Variants in TXLNB observed in about 807,000 individuals in gnomAD.
TXLNB encodes the protein taxilin beta, also known as beta-taxilin.
TXLNB carries 37 observed loss-of-function variants against 57.4 expected under a neutral mutation model. That is an observed-to-expected ratio of 0.64 (90% confidence interval 0.50 to 0.85). The LOEUF (loss-of-function observed/expected upper bound fraction) is 0.85, where lower values mean the gene tolerates loss of function less well. Ranked by LOEUF, TXLNB falls within the 40% of genes least tolerant of loss-of-function variation. The pLI is 0.00. For synonymous variants in TXLNB, 302 were observed against 309.6 expected (o/e 0.98, Z 0.26); for missense variants, 848 against 825.6 (o/e 1.03, Z -0.33).
intron 2 of TXLNB, among the ~76,000 whole-genome samples, chr6:139,277,503 C>G (rs1299778026): frequency 6.6e-6 from 1 of 152,124 alleles, no homozygotes; most frequent in Non-Finnish European, 1.5e-5. Context: ...AAACCCATTC[C>G]CTGGCGTTGG....
At chr6:139,307,270 C>A in the TXLNB span, among the ~76,000 whole-genome samples, 2 of 152,200 alleles carry the variant, frequency 1.3e-5, no homozygotes, top group African/African-American at 2.4e-5. Context: ...TAGTTCACTG[C>A]AGCTTTGAAC....
rs555178507 is a variant in TXLNB at position 139,258,072 on chromosome 6, C to A, written c.1002+2246G>T. On this transcript the variant is annotated intron_variant, in intron 6 of 9. Transcript: ENST00000358430. The stretch of plus-strand genomic sequence containing the variant: ...ATGCAGCTTTGTTGTGATTGGTGAC[C>A]CCCAACCTCGAGGGAGGCTGGTGGC... Among the ~76,000 whole-genome samples, 7 of 151,766 alleles carry A rather than the reference C, an allele frequency of 4.6e-5. No individual in the cohort carries two copies. In the South Asian group the frequency reaches 1.5e-3, roughly 31 times the overall value.
Position 139,242,310 on chromosome 6 carries a change from G to C in TXLNB, c.*216C>G. 1 of 395,098 alleles carries C rather than the reference G, an allele frequency of 2.5e-6. No homozygotes were observed. The allele number at this position is 395,098 out of a possible 1,614,324, so 24.5% of individuals were successfully genotyped here. On this transcript the variant is annotated 3_prime_UTR_variant, in exon 10 of 10. Transcript: ENST00000358430. ...TGTTGCCCTTTGGGAAAATTATACT[G>C]TCAACCAGTGTTAAATAGAAAACCT...
intron 3 of TXLNB, among the ~76,000 whole-genome samples, chr6:139,275,105 T>C (rs1002263738): frequency 6.6e-6 from 1 of 152,188 alleles, no homozygotes; most frequent in Non-Finnish European, 1.5e-5. Context: ...CAGAAAGCAC[T>C]CATCTTGTTT....
rs1238617050 is a variant in TXLNB, at chr6:139,279,858, A to G, written c.425-2937T>C. On this transcript the variant is annotated intron_variant, in intron 2 of 9. Coordinates refer to ENST00000358430, the MANE Select transcript of TXLNB (RefSeq NM_153235.4). Reference sequence around the variant, plus strand: ...GTAGCCACCACACTGCGAAATGCTCAGCGTGGTAGGAAGTCTACATGAAAG... The same window carrying G: ...GTAGCCACCACACTGCGAAATGCTCGGCGTGGTAGGAAGTCTACATGAAAG... 3.9e-5 allele frequency among the ~76,000 whole-genome samples: 6 copies of G among 152,360 alleles called. No homozygotes were observed. In the East Asian group the frequency reaches 1.2e-3, roughly 29 times the overall value.
the TXLNB span, among the ~76,000 whole-genome samples, chr6:139,306,181 G>A: frequency 2.0e-5 from 3 of 152,146 alleles, no homozygotes; most frequent in African/African-American, 7.2e-5. Context: ...GGTCCTTAAG[G>A]TTGTAAGGTG....
At chr6:139,217,927 A>C in the TXLNB span, among the ~76,000 whole-genome samples, 1 of 152,006 alleles carries the variant, frequency 6.6e-6, no homozygotes, top group African/African-American at 2.4e-5. Flanking sequence ...TATTGCAATC[A>C]GTCTTAAAGC....
chr6:139,309,819 A>T, the TXLNB span, among the ~76,000 whole-genome samples: 2 of 152,182 alleles, frequency 1.3e-5, no homozygotes, highest in Non-Finnish European at 2.9e-5. Flanking sequence ...CCCATAAATA[A>T]AATCAAACAT....
At chr6:139,274,826 T>G (rs186411427) in intron 3 of TXLNB, among the ~76,000 whole-genome samples, 3 of 152,276 alleles carry the variant, frequency 2.0e-5, no homozygotes, top group Admixed American at 6.5e-5. Flanking sequence ...GGCCTTGGTA[T>G]GAGTTGGTAA....
At chr6:139,256,882 T>C (rs1220613187) in intron 6 of TXLNB, among the ~76,000 whole-genome samples, 3 of 152,242 alleles carry the variant, frequency 2.0e-5, no homozygotes, top group Non-Finnish European at 4.4e-5. Flanking sequence ...ATGGTCTGGA[T>C]ATCGGTGGCC....
upstream of TXLNB, among the ~76,000 whole-genome samples, chr6:139,296,448 GA>G (rs1305483638): frequency 6.6e-6 from 1 of 151,732 alleles, no homozygotes; most frequent in African/African-American, 2.4e-5. Context: ...TTCCTCTCTA[GA>G]ACCATTTGGC....
Position 139,268,128 on chromosome 6 carries a change from C to T in TXLNB, c.687+2328G>A, listed in dbSNP as rs184880791. ...TTGCACCACCGCACTCCAGCCTGGA[C>T]GACAGAGCGAGACTCCATCTCACAA... is the stretch of plus-strand genomic sequence containing the variant. On this transcript the variant is annotated intron_variant, in intron 4 of 9. Coordinates refer to ENST00000358430, the MANE Select transcript of TXLNB (RefSeq NM_153235.4). Among the ~76,000 whole-genome samples, 132 of 128,466 alleles carry T rather than the reference C, an allele frequency of 1.0e-3. 1 individual carries two copies. Among genetic ancestry groups the T allele is most frequent in the East Asian group, 1.3e-3 (6 of 4,688 alleles). The allele number at this position is 128,466 out of a possible 152,430, so 84.3% of individuals were successfully genotyped here.
chr6:139,303,031 T>C, the TXLNB span, among the ~76,000 whole-genome samples: 349 of 152,350 alleles, frequency 2.3e-3, 1 homozygote, highest in African/African-American at 7.8e-3. Flanking sequence ...TATTCCAAAG[T>C]GGTTTTCAAA....
the TXLNB span, chr6:139,166,349 T>C: frequency 1.2e-6 from 2 of 1,614,010 alleles, no homozygotes; most frequent in Non-Finnish European, 1.7e-6. Flanking sequence ...GAAGGACGAC[T>C]ACCAGAAGGT....
chr6:139,214,719 T>C, the TXLNB span, among the ~76,000 whole-genome samples: 1 of 152,184 alleles, frequency 6.6e-6, no homozygotes, highest in African/African-American at 2.4e-5. Context: ...CGATTGTATA[T>C]CTAGAACCCC....
intron 2 of TXLNB, among the ~76,000 whole-genome samples, chr6:139,281,372 T>G (rs1440037238): frequency 6.6e-6 from 1 of 152,126 alleles, no homozygotes; most frequent in African/African-American, 2.4e-5. Flanking sequence ...CTTGTTTCGT[T>G]TGGTTTTAAG....
At chr6:139,311,514 G>T in the TXLNB span, among the ~76,000 whole-genome samples, 1 of 141,312 alleles carries the variant, frequency 7.1e-6, no homozygotes, top group African/African-American at 2.6e-5. Flanking sequence ...GGGGGGTGGG[G>T]GGGTGTGCGT....
the TXLNB span, among the ~76,000 whole-genome samples, chr6:139,172,709 G>T: frequency 6.6e-6 from 1 of 152,120 alleles, no homozygotes; most frequent in African/African-American, 2.4e-5. Flanking sequence ...TTGCCTGTAG[G>T]TTACGGATCC....
At chr6:139,312,488 T>C in the TXLNB span, among the ~76,000 whole-genome samples, 1 of 152,326 alleles carries the variant, frequency 6.6e-6, no homozygotes, top group Admixed American at 6.5e-5. Flanking sequence ...CTCGTAGTGT[T>C]TGCAAGATGC....
Sources: gnomAD v4.1 joint callset for allele counts (sites outside exome capture counted in the v4.1 genomes callset) on GRCh38, gnomAD v4.1.1 for gene constraint, MANE v1.5 for transcripts, NCBI Gene and HGNC (gene_info 2026-07-23, HGNC 2026-07-21) for gene names.